Variants in RUVBL1 observed in about 807,000 individuals in gnomAD.
The protein encoded by RUVBL1 is ruvB-like 1.
A neutral mutation model predicts 52.4 loss-of-function variants in RUVBL1; 4 were observed. The ratio of observed to expected loss-of-function variants is 0.08; its 90% confidence interval spans 0.04 to 0.17. The LOEUF is 0.17. RUVBL1 is among the 10% of genes least tolerant of loss of function. RUVBL1 has a pLI of 1.00. For missense variants in RUVBL1, 298 were observed against 572.8 expected, an observed-to-expected ratio of 0.52 and a Z score of 4.90; for synonymous variants, 217 against 214.4, an observed-to-expected ratio of 1.01 and a Z score of -0.10.
intron 3 of RUVBL1, among the ~76,000 whole-genome samples, chr3:128,108,977 T>C (rs1576464943): frequency 6.6e-6 from 1 of 152,164 alleles, no homozygotes; most frequent in Admixed American, 6.5e-5. Flanking sequence ...TAAAGTATGA[T>C]TTAGATAAAC....
chr3:128,072,538 G>A (rs1476457954), intron 9 of RUVBL1, among the ~76,000 whole-genome samples: 1 of 152,214 alleles, frequency 6.6e-6, no homozygotes, highest in Non-Finnish European at 1.5e-5. Context: ...CCTCAGCACT[G>A]TGTTTTGAGA....
intron 1 of RUVBL1, among the ~76,000 whole-genome samples, chr3:128,149,432 G>A (rs73192978): frequency 0.14 from 21,104 of 152,078 alleles, 1,655 homozygotes; most frequent in African/African-American, 0.2. Context: ...TGATCTGCCC[G>A]CCTTCGCCTC....
chr3:128,129,847 CA>C (rs1272177352), intron 1 of RUVBL1, among the ~76,000 whole-genome samples: 2 of 152,088 alleles, frequency 1.3e-5, no homozygotes, highest in African/African-American at 4.8e-5. Flanking sequence ...TGGTGGTTGC[CA>C]GGGGCTGGGG....
chr3:128,135,784 C>T (rs551167364), intron 1 of RUVBL1, among the ~76,000 whole-genome samples: 2 of 152,262 alleles, frequency 1.3e-5, no homozygotes, highest in South Asian at 2.1e-4. Flanking sequence ...GGTAATAGTA[C>T]GTACACAGAC....
intron 9 of RUVBL1, among the ~76,000 whole-genome samples, chr3:128,071,953 C>T (rs532224342): frequency 3.9e-5 from 6 of 152,374 alleles, no homozygotes; most frequent in African/African-American, 1.2e-4. Context: ...CAGAGGCCTC[C>T]GCTGAGCCAG....
At chr3:128,114,860 C>T (rs1233294366) in intron 2 of RUVBL1, among the ~76,000 whole-genome samples, 2 of 151,976 alleles carry the variant, frequency 1.3e-5, no homozygotes, top group Non-Finnish European at 2.9e-5. Context: ...CCTTTCTCTT[C>T]CTTGTATCTC....
chr3:128,126,058 C>T (rs1479359020), upstream of RUVBL1, among the ~76,000 whole-genome samples: 1 of 152,108 alleles, frequency 6.6e-6, no homozygotes, highest in East Asian at 1.9e-4. Context: ...GAGGAATATC[C>T]CCTGGATTAC....
At chr3:128,094,784 T>C (rs981121534) in intron 8 of RUVBL1, among the ~76,000 whole-genome samples, 2 of 152,156 alleles carry the variant, frequency 1.3e-5, no homozygotes, top group African/African-American at 4.8e-5. Context: ...AGAGATCAGA[T>C]GTGGTTCTGG....
chr3:128,146,513 C>T (rs1273536736), intron 1 of RUVBL1, among the ~76,000 whole-genome samples: 2 of 112,488 alleles, frequency 1.8e-5, no homozygotes, highest in Non-Finnish European at 3.6e-5. Context: ...CGTGTGTGTG[C>T]GTGCATCTGT....
chr3:128,124,346 A>G (rs1943748758), upstream of RUVBL1, among the ~76,000 whole-genome samples: 1 of 151,712 alleles, frequency 6.6e-6, no homozygotes, highest in South Asian at 2.1e-4. Context: ...AGTTGACTGT[A>G]AATAACATTT....
downstream of RUVBL1, among the ~76,000 whole-genome samples, chr3:128,080,154 C>A (rs1942429563): frequency 2.0e-5 from 3 of 151,906 alleles, no homozygotes; most frequent in South Asian, 2.1e-4. Flanking sequence ...GATAGGGACA[C>A]TTCAGAGGGA....
At chr3:128,122,236 C>G (rs1385315396) in intron 1 of RUVBL1, among the ~76,000 whole-genome samples, 2 of 152,184 alleles carry the variant, frequency 1.3e-5, no homozygotes, top group Non-Finnish European at 2.9e-5. Flanking sequence ...CAATGGCACA[C>G]AGGTTAAAGG....
chr3:128,130,018 C>A (rs1026287342), intron 1 of RUVBL1, among the ~76,000 whole-genome samples: 2 of 152,024 alleles, frequency 1.3e-5, no homozygotes, highest in Non-Finnish European at 2.9e-5. Flanking sequence ...ATCGTTTATG[C>A]TACGTATCTT....
chr3:128,130,615 TTTTATTTATTTATGTATTTA>T (rs1210263163), intron 1 of RUVBL1, among the ~76,000 whole-genome samples: 41 of 91,308 alleles, frequency 4.5e-4, no homozygotes, highest in South Asian at 8.4e-4. Flanking sequence ...AAAAAAAAAA[TTTTATTTATTTATGTATTTA>T]TTTATTTATT....
chr3:128,125,005 C>CTTTTTT (rs749620135), upstream of RUVBL1, among the ~76,000 whole-genome samples: 30 of 61,382 alleles, frequency 4.9e-4, 4 homozygotes, highest in African/African-American at 1.2e-3. Context: ...CTCACACCGC[C>CTTTTTT]TTTTTTTTTT....
exon 1 of RUVBL1, chr3:128,153,754 G>A (rs1015255714): frequency 6.5e-7 from 1 of 1,545,476 alleles, no homozygotes; most frequent in Admixed American, 1.9e-5. Context: ...CGAGCCCGGC[G>A]AGCCACTGCT....
At chr3:128,085,598 C>G (rs905027184) in intron 9 of RUVBL1, among the ~76,000 whole-genome samples, 2 of 152,230 alleles carry the variant, frequency 1.3e-5, no homozygotes, top group Non-Finnish European at 2.9e-5. Context: ...ACAATTGCTA[C>G]TATGAACCAT....
rs112528999 is a variant in RUVBL1 at position 128,108,826 on chromosome 3, C to T, written c.362-3902G>A. Among the ~76,000 whole-genome samples the T allele has an allele frequency of 4.0e-3, 610 of 152,128 alleles. 6 individuals carry two copies. Among genetic ancestry groups the T allele is most frequent in the Middle Eastern group, 0.02 (6 of 294 alleles). On this transcript the variant is annotated intron_variant, in intron 3 of 10. Transcript: ENST00000322623. ...AAAAAAATACTCAGAAGATTTTAAA[C>T]CTTAAAGGAGTCCTGCGAGTCATTT...
At position 128,129,662 on chromosome 3, in the gene RUVBL1, A is replaced by G. The variant is rs1434253707; in HGVS notation, c.-39-10248T>C. ...AGATAATGGATTTTTAAAAGATGGT[A>G]TATACATATAATAGAATATTATTAA... On this transcript the variant is annotated intron_variant, in intron 1 of 9. Coordinates refer to the RUVBL1 transcript ENST00000464873. Among the ~76,000 whole-genome samples, 3 of 152,314 alleles carry G rather than the reference A, an allele frequency of 2.0e-5. No individual in the cohort carries two copies. In the East Asian group the frequency reaches 5.8e-4, roughly 29 times the overall value.
Sources: allele counts gnomAD v4.1 joint callset (sites outside exome capture counted in the v4.1 genomes callset), GRCh38; gene constraint gnomAD v4.1.1; transcripts MANE v1.5; gene names NCBI Gene and HGNC (gene_info 2026-07-23, HGNC 2026-07-21).